The following LARGE1 variants were observed in gnomAD, a reference collection of about 807,000 sequenced individuals.
LARGE1 encodes LARGE xylosyl- and glucuronyltransferase 1.
A neutral mutation model predicts 87.6 loss-of-function variants in LARGE1; 43 were observed. The ratio of observed to expected loss-of-function variants is 0.49; its 90% CI spans 0.38 to 0.63. The LOEUF is 0.63. Among genes scored for constraint, LARGE1 ranks in the 30% least tolerant of loss-of-function variants. The probability of loss-of-function intolerance (pLI) is 0.00; values close to 1 mark genes in which losing one functional copy is unlikely to be tolerated. For missense variants in LARGE1, 802 were observed against 1,000.2 expected (o/e 0.80, Z 2.67); for synonymous variants, 434 against 394.6 (o/e 1.10, Z -1.18).
intron 11 of LARGE1, among the ~76,000 whole-genome samples, chr22:33,315,472 C>T (rs1031779145): frequency 6.6e-6 from 1 of 152,148 alleles, no homozygotes; most frequent in African/African-American, 2.4e-5. Context: ...GCTCCAGTCT[C>T]CCCACTGTCC....
rs201512500 is a variant in LARGE1, at chr22:33,460,545, A to AT, written c.788-28281dup. Among the ~76,000 whole-genome samples, 876 of 152,326 alleles carry AT rather than the reference A, an allele frequency of 5.8e-3. 5 individuals carry two copies. Among genetic ancestry groups the AT allele is most frequent in the African/African-American group, 0.02 (824 of 41,566 alleles). ...ATTTATCTGTGTGTAACAGAAATAGATGAGTAGGCAAGAACATAAGGCAGA... is the reference window on the plus strand; with the variant it reads ...ATTTATCTGTGTGTAACAGAAATAGATTGAGTAGGCAAGAACATAAGGCAGA... On this transcript the variant is annotated intron_variant, in intron 6 of 14. Coordinates refer to ENST00000397394, the MANE Select transcript of LARGE1 (RefSeq NM_133642.5).
intron 3 of LARGE1, among the ~76,000 whole-genome samples, chr22:33,643,897 T>C (rs2080523128): frequency 6.6e-6 from 1 of 151,974 alleles, no homozygotes; most frequent in African/African-American, 2.4e-5. Flanking sequence ...CAATAACAAG[T>C]TCTGAAATTG....
chr22:33,114,060 T>C, the LARGE1 span, among the ~76,000 whole-genome samples: 1 of 150,790 alleles, frequency 6.6e-6, no homozygotes, highest in Admixed American at 6.6e-5. Context: ...TTTTTTTTAG[T>C]AGAGATGAGG....
intron 7 of LARGE1, among the ~76,000 whole-genome samples, chr22:33,398,088 C>T (rs572266913): frequency 2.0e-5 from 3 of 151,972 alleles, no homozygotes; most frequent in Non-Finnish European, 4.4e-5. Flanking sequence ...TGGAAATGAG[C>T]GAATTTCTGG....
intron 9 of LARGE1, among the ~76,000 whole-genome samples, chr22:33,352,398 G>T (rs1183153364): frequency 6.6e-6 from 1 of 152,196 alleles, no homozygotes; most frequent in Non-Finnish European, 1.5e-5. Context: ...ATGAAAGCTT[G>T]AAGTTTACTT....
At chr22:33,479,340 T>C (rs903314195) in intron 6 of LARGE1, among the ~76,000 whole-genome samples, 3 of 151,964 alleles carry the variant, frequency 2.0e-5, no homozygotes, top group South Asian at 2.1e-4. Context: ...ATTCAGCAAA[T>C]GATGGGTGGA....
At chr22:33,599,158 C>T (rs1271573621) in intron 5 of LARGE1, among the ~76,000 whole-genome samples, 2 of 151,880 alleles carry the variant, frequency 1.3e-5, no homozygotes, top group Non-Finnish European at 2.9e-5. Flanking sequence ...ATTATACAAT[C>T]CTCTATCTCA....
At chr22:33,845,453 C>T (rs906063894) in intron 1 of LARGE1, among the ~76,000 whole-genome samples, 1 of 152,032 alleles carries the variant, frequency 6.6e-6, no homozygotes, top group Admixed American at 6.5e-5. Context: ...AGATTACAGG[C>T]ATGCGTCACC....
In LARGE1 at chr22:33,673,759, G is replaced by A. The variant is rs1207051085; in HGVS notation, c.107-23091C>T. Among the ~76,000 whole-genome samples the A allele has an allele frequency of 4.6e-5, 7 of 152,104 alleles. No individual in the cohort carries two copies. The East Asian group carries it at 7.7e-4, about 17-fold the overall frequency. On this transcript the variant is annotated intron_variant, in intron 2 of 14. Coordinates refer to ENST00000397394, the MANE Select transcript of LARGE1 (RefSeq NM_133642.5). ...GTCGCCCAGGCTGGAGTGCAGTGGC[G>A]CAATCTCGGCTCACTGCAGCCTCTG...
chr22:33,599,561 T>C (rs1386900800), intron 5 of LARGE1, among the ~76,000 whole-genome samples: 1 of 152,056 alleles, frequency 6.6e-6, no homozygotes, highest in African/African-American at 2.4e-5. Flanking sequence ...TATTTGCAAA[T>C]CCCCACTAAT....
intron 1 of LARGE1, among the ~76,000 whole-genome samples, chr22:33,805,596 T>C (rs2146114740): frequency 6.6e-6 from 1 of 151,992 alleles, no homozygotes; most frequent in Non-Finnish European, 1.5e-5. Context: ...TAGCTGGGCA[T>C]GATGGCAGGT....
intron 11 of LARGE1, among the ~76,000 whole-genome samples, chr22:33,177,953 T>C (rs1922965104): frequency 6.6e-6 from 1 of 152,204 alleles, no homozygotes; most frequent in Admixed American, 6.6e-5. Flanking sequence ...AGCTTCACTC[T>C]CTCTGTCTCC....
At chr22:33,714,547 A>G (rs925779399) in intron 2 of LARGE1, among the ~76,000 whole-genome samples, 2 of 152,242 alleles carry the variant, frequency 1.3e-5, no homozygotes, top group African/African-American at 4.8e-5. Flanking sequence ...TAAATGCCAA[A>G]TTAAGAACTG....
chr22:33,672,270 A>C (rs144335402), intron 2 of LARGE1, among the ~76,000 whole-genome samples: 64 of 152,310 alleles, frequency 4.2e-4, no homozygotes, highest in African/African-American at 1.5e-3. Flanking sequence ...TTGGCCACTC[A>C]CAACACCTCC....
chr22:33,658,111 G>A (rs2081021236), intron 2 of LARGE1, among the ~76,000 whole-genome samples: 1 of 152,066 alleles, frequency 6.6e-6, no homozygotes. Flanking sequence ...AGCCTAATTT[G>A]TGGTTGCGGT....
intron 1 of LARGE1, among the ~76,000 whole-genome samples, chr22:33,768,368 T>C (rs994887380): frequency 2.0e-5 from 3 of 152,064 alleles, no homozygotes; most frequent in African/African-American, 7.2e-5. Context: ...ATTATCATTA[T>C]TTATATTACT....
intron 9 of LARGE1, among the ~76,000 whole-genome samples, chr22:33,371,764 C>G (rs2064816107): frequency 6.6e-6 from 1 of 152,108 alleles, no homozygotes. Context: ...GTGGGTGGAT[C>G]ATGAGGTCAG....
intron 9 of LARGE1, among the ~76,000 whole-genome samples, chr22:33,375,343 A>G (rs2064957057): frequency 6.6e-6 from 1 of 152,160 alleles, no homozygotes; most frequent in African/African-American, 2.4e-5. Context: ...TTTTTACGGT[A>G]ATATGGTTAT....
At chr22:33,830,353 C>G (rs2062929725) in intron 1 of LARGE1, among the ~76,000 whole-genome samples, 1 of 152,184 alleles carries the variant, frequency 6.6e-6, no homozygotes, top group African/African-American at 2.4e-5. Context: ...GCAAAGGGAG[C>G]TGGCTGCTGT....
Sources: allele counts gnomAD v4.1 joint callset (sites outside exome capture counted in the v4.1 genomes callset), GRCh38; gene constraint gnomAD v4.1.1; transcripts MANE v1.5; gene names NCBI Gene and HGNC (gene_info 2026-07-23, HGNC 2026-07-21).